Variants in PSMA1 observed in about 807,000 individuals in gnomAD.
The protein encoded by PSMA1 is proteasome subunit alpha type-1.
PSMA1 carries 3 observed loss-of-function variants against 38.4 expected under a neutral mutation model. The ratio of observed to expected loss-of-function variants is 0.08; its 90% confidence interval spans 0.04 to 0.20. The LOEUF (loss-of-function observed/expected upper bound fraction) is 0.20. Ranked by LOEUF, PSMA1 falls within the 10% of genes least tolerant of loss-of-function variation. The pLI, the probability that PSMA1 is intolerant of heterozygous loss-of-function variation, is 1.00. For synonymous variants in PSMA1, 101 were observed against 107.1 expected (o/e 0.94, Z 0.35); for missense variants, 227 against 325.3 (o/e 0.70, Z 2.32).
rs566655227 is a variant in PSMA1, at chr11:14,555,600, C to A, written c.22-36559G>T. Among the ~76,000 whole-genome samples the A allele has an allele frequency of 2.0e-5, 3 of 152,306 alleles. No homozygotes were observed. In the East Asian group the frequency reaches 5.8e-4, roughly 29 times the overall value. ...TCCACACAGCTAACTGTAGTCACATCTTTAGCCATTTCTTCTGGTGCTTGT... is the reference window on the plus strand; with the variant it reads ...TCCACACAGCTAACTGTAGTCACATATTTAGCCATTTCTTCTGGTGCTTGT... On this transcript the variant is annotated intron_variant, in intron 2 of 10. Transcript: ENST00000418988.
At chr11:14,551,261 T>C (rs1851880829) in intron 2 of PSMA1, among the ~76,000 whole-genome samples, 1 of 152,234 alleles carries the variant, frequency 6.6e-6, no homozygotes, top group African/African-American at 2.4e-5. Context: ...GTTTTATATA[T>C]GCCATTATCA....
chr11:14,625,945 A>C (rs755730319), intron 1 of PSMA1, among the ~76,000 whole-genome samples: 4 of 152,222 alleles, frequency 2.6e-5, no homozygotes, highest in Non-Finnish European at 4.4e-5. Flanking sequence ...GGTATGAAGA[A>C]GACAGACTTA....
intron 2 of PSMA1, among the ~76,000 whole-genome samples, chr11:14,594,492 C>T (rs11023265): frequency 0.3 from 46,169 of 152,110 alleles, 8,097 homozygotes; most frequent in South Asian, 0.44. Context: ...AAAAACATTT[C>T]GTACTCCTTT....
chr11:14,518,506 G>A (rs1851473409), intron 2 of PSMA1, among the ~76,000 whole-genome samples: 2 of 152,124 alleles, frequency 1.3e-5, no homozygotes, highest in Admixed American at 6.5e-5. Flanking sequence ...GAACACATCC[G>A]TTGTCTCACA....
Position 14,513,802 on chromosome 11 carries a change from A to G in PSMA1, c.414+15T>C, listed in dbSNP as rs551050267. 1 of 1,571,434 alleles carries G rather than the reference A, an allele frequency of 6.4e-7. No homozygotes were observed. Among genetic ancestry groups the G allele is most frequent in the East Asian group, 2.3e-5 (1 of 44,354 alleles). On this transcript the variant is annotated intron_variant, in intron 6 of 9. Coordinates refer to ENST00000396394, the MANE Select transcript of PSMA1 (RefSeq NM_002786.4). ...AAAAAAATCATTAACATATAACAAT[A>G]TTCAATGAACTTACATCATAACCAG...
chr11:14,620,172 C>G (rs1208092652), intron 1 of PSMA1, among the ~76,000 whole-genome samples: 1 of 152,084 alleles, frequency 6.6e-6, no homozygotes, highest in African/African-American at 2.4e-5. Flanking sequence ...ACAATTACAA[C>G]AGAAGAAGAA....
At chr11:14,629,070 C>T (rs1436715284) in intron 1 of PSMA1, among the ~76,000 whole-genome samples, 2 of 151,670 alleles carry the variant, frequency 1.3e-5, no homozygotes, top group African/African-American at 2.4e-5. Context: ...GATATTAGCC[C>T]TTTGTCAGAT....
intron 1 of PSMA1, among the ~76,000 whole-genome samples, chr11:14,642,094 C>T (rs1221679741): frequency 6.6e-6 from 1 of 151,258 alleles, no homozygotes; most frequent in African/African-American, 2.5e-5. Context: ...TAAATGCCCA[C>T]ACACATACAC....
chr11:14,591,830 G>A (rs927054173), intron 2 of PSMA1, among the ~76,000 whole-genome samples: 5 of 152,140 alleles, frequency 3.3e-5, no homozygotes, highest in African/African-American at 7.2e-5. Context: ...GAGAATAAAA[G>A]CAGGCTGCCC....
rs1852837892 is a variant in PSMA1 at position 14,621,068 on chromosome 11, C to T, written c.-165-9917G>A. Among the ~76,000 whole-genome samples the T allele has an allele frequency of 4.6e-5, 7 of 151,998 alleles. No homozygotes were observed. The South Asian group carries it at 1.5e-3, about 32-fold the overall frequency. ...TTTCCTGTATTAGCTGTTACATTGA[C>T]CTATGTCAGAGATGAAAACTGTGAG... On this transcript the variant is annotated intron_variant, in intron 1 of 10. Coordinates refer to the PSMA1 transcript ENST00000418988.
At chr11:14,579,148 A>G (rs954216928) in intron 2 of PSMA1, among the ~76,000 whole-genome samples, 6 of 152,242 alleles carry the variant, frequency 3.9e-5, no homozygotes, top group African/African-American at 1.4e-4. Context: ...GAGATGCCAT[A>G]ACAAATTGCT....
intron 2 of PSMA1, among the ~76,000 whole-genome samples, chr11:14,541,306 G>A (rs966429115): frequency 1.3e-5 from 2 of 152,102 alleles, no homozygotes; most frequent in Non-Finnish European, 2.9e-5. Flanking sequence ...TGCTTCTGAC[G>A]CAGCAAACAC....
chr11:14,627,824 C>T (rs1433275106), intron 1 of PSMA1, among the ~76,000 whole-genome samples: 1 of 152,132 alleles, frequency 6.6e-6, no homozygotes, highest in African/African-American at 2.4e-5. Flanking sequence ...CCTTGCAATG[C>T]CATCCTCTCT....
intron 2 of PSMA1, among the ~76,000 whole-genome samples, chr11:14,525,832 G>C (rs1291407063): frequency 6.6e-6 from 1 of 152,130 alleles, no homozygotes; most frequent in Non-Finnish European, 1.5e-5. Flanking sequence ...CAAGGCTTCA[G>C]GGACAGCCCT....
At chr11:14,576,357 G>A (rs1852215134) in intron 2 of PSMA1, among the ~76,000 whole-genome samples, 1 of 152,168 alleles carries the variant, frequency 6.6e-6, no homozygotes, top group African/African-American at 2.4e-5. Flanking sequence ...CCTTGCACAT[G>A]CCTATGTCCT....
chr11:14,629,118 G>T (rs1164656589), intron 1 of PSMA1, among the ~76,000 whole-genome samples: 2 of 152,056 alleles, frequency 1.3e-5, no homozygotes, highest in Non-Finnish European at 2.9e-5. Flanking sequence ...TTTGTAGGTT[G>T]TCTGTTCACT....
upstream of PSMA1, chr11:14,520,641 C>T (rs921479249): frequency 6.0e-6 from 3 of 498,938 alleles, no homozygotes; most frequent in Non-Finnish European, 1.0e-5. Context: ...GTTTCTCCCG[C>T]TGGCGGGCTG....
At chr11:14,601,281 A>G (rs1054974681) in intron 2 of PSMA1, among the ~76,000 whole-genome samples, 3 of 152,194 alleles carry the variant, frequency 2.0e-5, no homozygotes, top group Admixed American at 6.5e-5. Context: ...TGACAGATCA[A>G]TGGTGTAATA....
chr11:14,588,934 C>G (rs574405793), intron 2 of PSMA1, among the ~76,000 whole-genome samples: 1 of 152,282 alleles, frequency 6.6e-6, no homozygotes, highest in African/African-American at 2.4e-5. Context: ...GAATTTTATT[C>G]CAGACCTTTG....
Sources: allele counts gnomAD v4.1 joint callset (sites outside exome capture counted in the v4.1 genomes callset), GRCh38; gene constraint gnomAD v4.1.1; transcripts MANE v1.5; gene names NCBI Gene and HGNC (gene_info 2026-07-23, HGNC 2026-07-21).